CHN2: variants seen among roughly 807,000 people sequenced by gnomAD.
CHN2 encodes the protein beta-chimaerin.
A neutral mutation model predicts 56.3 loss-of-function variants in CHN2; 35 were observed. The observed-to-expected ratio is 0.62, with a 90% CI of 0.47 to 0.82. CHN2 has a LOEUF of 0.82. Ranked by LOEUF, CHN2 falls within the 40% of genes least tolerant of loss-of-function variation. The pLI is 0.00. For synonymous variants in CHN2, 210 were observed against 212.8 expected (o/e 0.99, Z 0.12); for missense variants, 491 against 580.5 (o/e 0.85, Z 1.58).
intron 6 of CHN2, among the ~76,000 whole-genome samples, chr7:29,419,608 G>A (rs1446288204): frequency 2.0e-5 from 3 of 152,068 alleles, no homozygotes; most frequent in Admixed American, 2.0e-4. Flanking sequence ...TATCCATAAT[G>A]TATTTTTAAA....
At chr7:29,359,551 A>G (rs1798568859) in intron 2 of CHN2, among the ~76,000 whole-genome samples, 1 of 151,996 alleles carries the variant, frequency 6.6e-6, no homozygotes, top group Non-Finnish European at 1.5e-5. Flanking sequence ...TCCTTTTCTT[A>G]GAAAAGGAAA....
intron 2 of CHN2, chr7:29,147,170 C>T (rs1792851572): frequency 1.5e-6 from 1 of 655,050 alleles, no homozygotes; most frequent in Middle Eastern, 4.2e-4. Flanking sequence ...TGCTGGGCAT[C>T]GAGCCAGACA....
chr7:29,444,836 A>G (rs1173144122), intron 6 of CHN2, among the ~76,000 whole-genome samples: 1 of 152,182 alleles, frequency 6.6e-6, no homozygotes, highest in African/African-American at 2.4e-5. Context: ...CCTTGAACCA[A>G]ATAGGATATA....
Position 29,414,181 on chromosome 7 carries a change from A to T in CHN2, c.576+13353A>T, listed in dbSNP as rs3793269. ...TCCAGTCATGATGGAGTCAGTTCAG[A>T]TGAGAGGAAACTGAAATTGATGTTA... is the stretch of plus-strand genomic sequence containing the variant. On this transcript the variant is annotated intron_variant, in intron 6 of 12. Coordinates refer to ENST00000222792, the MANE Select transcript of CHN2 (RefSeq NM_004067.4). 1.1e-4 allele frequency among the ~76,000 whole-genome samples: 17 copies of T among 152,186 alleles called. No homozygotes were observed. In the East Asian group the frequency reaches 1.7e-3, roughly 16 times the overall value.
At chr7:29,218,906 AACAAACC>A (rs1785554905) in intron 1 of CHN2, among the ~76,000 whole-genome samples, 2 of 151,982 alleles carry the variant, frequency 1.3e-5, no homozygotes, top group African/African-American at 4.8e-5. Context: ...ATACATATGT[AACAAACC>A]TGCATGTTGT....
chr7:29,379,646 A>C (rs1324597675), intron 3 of CHN2, among the ~76,000 whole-genome samples: 1 of 152,152 alleles, frequency 6.6e-6, no homozygotes, highest in African/African-American at 2.4e-5. Flanking sequence ...ATGTATGAAA[A>C]TTTTCATTAT....
At chr7:29,455,102 C>A (rs1210077829) in intron 6 of CHN2, among the ~76,000 whole-genome samples, 1 of 152,124 alleles carries the variant, frequency 6.6e-6, no homozygotes, top group Non-Finnish European at 1.5e-5. Flanking sequence ...TGTTCTCCCA[C>A]CATGGCTGAT....
At chr7:29,310,531 A>C (rs149542551) in intron 1 of CHN2, among the ~76,000 whole-genome samples, 297 of 152,304 alleles carry the variant, frequency 2.0e-3, no homozygotes, top group African/African-American at 6.7e-3. Context: ...AATTTTCTGT[A>C]TTTAATACAT....
rs530181479 is a variant in CHN2, at chr7:29,429,629, T to C, written c.576+28801T>C. On this transcript the variant is annotated intron_variant, in intron 6 of 12. Transcript: ENST00000222792. ...TCAAGGTTCAGTTCCCTGGAATATGTGTTCAAGGTTCAGTTCCCTGGAAAA... is the reference window on the plus strand; with the variant it reads ...TCAAGGTTCAGTTCCCTGGAATATGCGTTCAAGGTTCAGTTCCCTGGAAAA... Among the ~76,000 whole-genome samples the C allele has an allele frequency of 4.6e-5, 7 of 151,880 alleles. No homozygotes were observed. The East Asian group carries it at 1.4e-3, about 29-fold the overall frequency.
chr7:29,434,697 A>G (rs1783095225), intron 6 of CHN2, among the ~76,000 whole-genome samples: 1 of 152,238 alleles, frequency 6.6e-6, no homozygotes, highest in Admixed American at 6.5e-5. Context: ...ATAAGGCCAT[A>G]GTCGCAGGTA....
intron 6 of CHN2, among the ~76,000 whole-genome samples, chr7:29,412,320 C>CTTGTTTTTT (rs1803298533): frequency 1.4e-5 from 1 of 69,510 alleles, no homozygotes; most frequent in South Asian, 5.3e-4. Context: ...GCTAAAGAGT[C>CTTGTTTTTT]TTTTTTTTTT....
Position 29,354,671 on chromosome 7 carries a change from C to G in CHN2, c.88+8C>G. ...CTATATGGAAATCATACTGTGAGTA[C>G]CTGAAATGAAAATCTCCCCAGAAGT... On this transcript the variant is annotated splice_region_variant and intron_variant, in intron 2 of 12. Transcript: ENST00000222792. The G allele has an allele frequency of 6.2e-7, 1 of 1,611,790 alleles. No homozygotes were observed. The highest frequency in any genetic ancestry group is 8.5e-7 in the Non-Finnish European group (1 of 1,178,736).
At chr7:29,398,832 G>C (rs1247310879) in intron 5 of CHN2, among the ~76,000 whole-genome samples, 1 of 150,674 alleles carries the variant, frequency 6.6e-6, no homozygotes, top group Non-Finnish European at 1.5e-5. Context: ...GAACTCCTGG[G>C]CTCAAGCCAT....
intron 2 of CHN2, among the ~76,000 whole-genome samples, chr7:29,358,699 C>T (rs1043970807): frequency 2.6e-4 from 40 of 152,226 alleles, no homozygotes; most frequent in Admixed American, 1.6e-3. Flanking sequence ...CTCCTGACCT[C>T]GTGATCTGCC....
intron 1 of CHN2, chr7:29,213,286 C>G (rs1785092848): frequency 2.5e-6 from 2 of 806,488 alleles, no homozygotes; most frequent in African/African-American, 1.7e-5. Context: ...CCCTCCTCCC[C>G]TCCCTGATAG....
In CHN2 at chr7:29,461,131, T is replaced by C. The variant is rs138602947; in HGVS notation, c.577-19148T>C. 7.9e-4 allele frequency among the ~76,000 whole-genome samples: 120 copies of C among 152,368 alleles called. 1 individual carries two copies. Among genetic ancestry groups the C allele is most frequent in the East Asian group, 4.4e-3 (23 of 5,192 alleles). Reference sequence around the variant, plus strand: ...ATAAATGGCAGGGAAACCACATGTTTTGAGCAACCAATCAAGTATGTATTT... The same window carrying C: ...ATAAATGGCAGGGAAACCACATGTTCTGAGCAACCAATCAAGTATGTATTT... On this transcript the variant is annotated intron_variant, in intron 6 of 12. Coordinates refer to ENST00000222792, the MANE Select transcript of CHN2 (RefSeq NM_004067.4).
intron 2 of CHN2, among the ~76,000 whole-genome samples, chr7:29,355,116 G>GC (rs757156556): frequency 2.0e-5 from 3 of 151,942 alleles, no homozygotes; most frequent in Admixed American, 6.6e-5. Context: ...TTACAGGCAT[G>GC]CGCCACCATG....
intron 6 of CHN2, among the ~76,000 whole-genome samples, chr7:29,457,987 A>G (rs1167191574): frequency 6.6e-6 from 1 of 152,202 alleles, no homozygotes; most frequent in Non-Finnish European, 1.5e-5. Flanking sequence ...GAAATTTACA[A>G]ATAAATCATA....
At chr7:29,308,174 A>G (rs1454165081) in intron 1 of CHN2, among the ~76,000 whole-genome samples, 9 of 152,106 alleles carry the variant, frequency 5.9e-5, no homozygotes, top group Non-Finnish European at 1.2e-4. Context: ...CTGTCTTTCC[A>G]GCCTTACCTT....
Sources: gnomAD v4.1 joint callset for allele counts (sites outside exome capture counted in the v4.1 genomes callset) on GRCh38, gnomAD v4.1.1 for gene constraint, MANE v1.5 for transcripts, NCBI Gene and HGNC (gene_info 2026-07-23, HGNC 2026-07-21) for gene names.